The following KCNQ3 variants were observed in gnomAD, a reference collection of about 807,000 sequenced individuals.
KCNQ3 encodes potassium voltage-gated channel subfamily KQT member 3.
In KCNQ3, 30 loss-of-function variants were observed where a neutral mutation model predicts 92.5. The observed-to-expected ratio is 0.32, with a 90% CI of 0.24 to 0.44. The LOEUF (loss-of-function observed/expected upper bound fraction) is 0.44. Ranked by LOEUF, KCNQ3 falls within the 20% of genes least tolerant of loss-of-function variation. The probability of loss-of-function intolerance (pLI) is 1.00; values close to 1 mark genes in which losing one functional copy is unlikely to be tolerated. For missense variants in KCNQ3, 913 were observed against 1,140.3 expected, an observed-to-expected ratio of 0.80 and a Z score of 2.87; for synonymous variants, 450 against 468.8, an observed-to-expected ratio of 0.96 and a Z score of 0.52.
intron 1 of KCNQ3, among the ~76,000 whole-genome samples, chr8:132,327,346 T>A (rs1818090128): frequency 6.6e-6 from 1 of 152,186 alleles, no homozygotes; most frequent in Non-Finnish European, 1.5e-5. Context: ...AGTGTCTCTA[T>A]GAAGTTAGGT....
At chr8:132,464,099 C>T (rs1341495971) in intron 1 of KCNQ3, among the ~76,000 whole-genome samples, 1 of 152,162 alleles carries the variant, frequency 6.6e-6, no homozygotes, top group Non-Finnish European at 1.5e-5. Flanking sequence ...GCAGGAGAAT[C>T]GCTTGACATC....
At chr8:132,275,828 C>T (rs889186755) in intron 1 of KCNQ3, among the ~76,000 whole-genome samples, 1 of 152,152 alleles carries the variant, frequency 6.6e-6, no homozygotes, top group Non-Finnish European at 1.5e-5. Flanking sequence ...CCGCCCACCT[C>T]GGCCTCCCAA....
intron 1 of KCNQ3, among the ~76,000 whole-genome samples, chr8:132,456,599 T>A (rs1247190683): frequency 1.6e-4 from 24 of 146,588 alleles, no homozygotes; most frequent in African/African-American, 5.4e-4. Flanking sequence ...TCTATTTTTT[T>A]TTTATTTTAT....
At chr8:132,400,217 C>T (rs570368186) in intron 1 of KCNQ3, among the ~76,000 whole-genome samples, 39 of 152,258 alleles carry the variant, frequency 2.6e-4, no homozygotes, top group Admixed American at 4.6e-4. Flanking sequence ...TGGAATCTGC[C>T]TCTTTTGTGA....
At chr8:132,249,620 C>G (rs1398572265) in intron 1 of KCNQ3, among the ~76,000 whole-genome samples, 3 of 152,212 alleles carry the variant, frequency 2.0e-5, no homozygotes, top group South Asian at 2.1e-4. Context: ...ACCGGGGCCA[C>G]AGGCTGAGCT....
chr8:132,387,845 A>T (rs947887276), intron 1 of KCNQ3, among the ~76,000 whole-genome samples: 9 of 151,896 alleles, frequency 5.9e-5, no homozygotes, highest in South Asian at 4.2e-4. Flanking sequence ...TACAAAAAAA[A>T]TTTTTTTAAT....
At chr8:132,330,779 G>A (rs1480460889) in intron 1 of KCNQ3, among the ~76,000 whole-genome samples, 1 of 152,192 alleles carries the variant, frequency 6.6e-6, no homozygotes, top group Non-Finnish European at 1.5e-5. Context: ...GCAGCTGGAG[G>A]AAGATGCAGC....
At chr8:132,174,090 A>ACCAGGCCCCACC in intron 6 of KCNQ3, 149 bp downstream of exon 6, 1 of 693,344 alleles carries the variant, frequency 1.4e-6, no homozygotes, top group Non-Finnish European at 2.6e-6. Context: ...GCCTGTGGCA[A>ACCAGGCCCCACC]AAAGGCAGGA....
At chr8:132,393,748 A>G (rs1221237016) in intron 1 of KCNQ3, among the ~76,000 whole-genome samples, 2 of 152,236 alleles carry the variant, frequency 1.3e-5, no homozygotes, top group Non-Finnish European at 2.9e-5. Flanking sequence ...GTGAAAGGAC[A>G]GAGGATAAAG....
intron 1 of KCNQ3, among the ~76,000 whole-genome samples, chr8:132,276,551 A>C (rs935788487): frequency 6.6e-6 from 1 of 152,136 alleles, no homozygotes; most frequent in African/African-American, 2.4e-5. Context: ...GCCCATTCTA[A>C]TTCCAGGCAG....
rs989205637 is a variant in KCNQ3 at position 132,227,062 on chromosome 8, T to C, written c.387-40881A>G. Among the ~76,000 whole-genome samples the C allele has an allele frequency of 1.2e-4, 16 of 136,754 alleles. No individual in the cohort carries two copies. In the East Asian group the frequency reaches 3.1e-3, roughly 26 times the overall value. The allele number at this position is 136,754 out of a possible 152,430, so 89.7% of individuals were successfully genotyped here. On this transcript the variant is annotated intron_variant, in intron 1 of 14. Coordinates refer to ENST00000388996, the MANE Select transcript of KCNQ3 (RefSeq NM_004519.4). ...AAGTACTTAAAACATATCTCACTCT[T>C]TTTTTTTTTTTTTTTTTTAGATGGA... is the stretch of plus-strand genomic sequence containing the variant.
chr8:132,295,294 C>T lies in KCNQ3; in HGVS notation c.387-109113G>A, dbSNP rs546037168. On this transcript the variant is annotated intron_variant, in intron 1 of 14. Transcript: ENST00000388996. ...AGAAACATGAAAAAATGCTCAACAT[C>T]ACTGATAATTAGAGAAATGCAAATC... 9.8e-5 allele frequency among the ~76,000 whole-genome samples: 15 copies of T among 152,328 alleles called. No individual in the cohort carries two copies. In the South Asian group the frequency reaches 3.1e-3, roughly 32 times the overall value.
intron 1 of KCNQ3, among the ~76,000 whole-genome samples, chr8:132,419,165 T>C (rs1033721717): frequency 6.6e-6 from 1 of 152,196 alleles, no homozygotes; most frequent in African/African-American, 2.4e-5. Flanking sequence ...ATGGCAGCAC[T>C]CTTTGAAGAA....
Position 132,129,774 on chromosome 8 carries a change from T to A in KCNQ3, c.2107A>T (p.Thr703Ser). The A allele has an allele frequency of 6.2e-7, 1 of 1,614,136 alleles. No homozygotes were observed. The highest frequency in any genetic ancestry group is 8.5e-7 in the Non-Finnish European group (1 of 1,180,026). ...PEPPYSFHQV[T>S]IDKVSPYGFF... The stretch of plus-strand genomic sequence containing the variant: ...CCATAGGGGCTGACTTTGTCAATGG[T>A]CACCTGGTGGAAGCTGTAGGGTGGT... Residue 703 changes from threonine (T) to serine (S), a missense_variant, in exon 15 of 15, where the codon ACC becomes TCC. Thr to Ser is a moderately conservative substitution (Grantham distance 58). Coordinates refer to ENST00000388996, the MANE Select transcript of KCNQ3 (RefSeq NM_004519.4). The surrounding 1 kb of genome is among the most constrained non-coding windows in gnomAD (Gnocchi z 5.9).
At chr8:132,464,185 G>C (rs1026914590) in intron 1 of KCNQ3, among the ~76,000 whole-genome samples, 1 of 152,182 alleles carries the variant, frequency 6.6e-6, no homozygotes, top group Non-Finnish European at 1.5e-5. Flanking sequence ...ACGCCCATAA[G>C]ACTGTATCAC....
At chr8:132,309,417 T>C (rs1817525857) in intron 1 of KCNQ3, among the ~76,000 whole-genome samples, 1 of 152,220 alleles carries the variant, frequency 6.6e-6, no homozygotes, top group African/African-American at 2.4e-5. Flanking sequence ...GCTGATTTAT[T>C]GACATTTGAG....
intron 1 of KCNQ3, among the ~76,000 whole-genome samples, chr8:132,368,909 T>C (rs1819396087): frequency 1.6e-5 from 2 of 124,750 alleles, no homozygotes; most frequent in Admixed American, 1.6e-4. Flanking sequence ...GTTTTTCCTT[T>C]ACTGACCCTT....
intron 9 of KCNQ3, among the ~76,000 whole-genome samples, chr8:132,144,747 G>A (rs944900672): frequency 6.6e-6 from 1 of 152,078 alleles, no homozygotes; most frequent in Non-Finnish European, 1.5e-5. Flanking sequence ...CTGTGAACTC[G>A]ACCTGGGAAA....
chr8:132,150,482 A>C (rs1307383190), intron 9 of KCNQ3, among the ~76,000 whole-genome samples: 4 of 152,182 alleles, frequency 2.6e-5, no homozygotes, highest in African/African-American at 9.7e-5. Context: ...GCTGCTTGGT[A>C]TGGCTAAAGT....
Sources: allele counts gnomAD v4.1 joint callset (sites outside exome capture counted in the v4.1 genomes callset), GRCh38; gene constraint gnomAD v4.1.1; non-coding constraint Gnocchi (gnomAD v3.1); transcripts MANE v1.5; gene names NCBI Gene and HGNC (gene_info 2026-07-23, HGNC 2026-07-21).